PRPH2: variants seen among roughly 807,000 people sequenced by gnomAD.
The protein encoded by PRPH2 is peripherin-2.
A neutral mutation model predicts 31.3 loss-of-function variants in PRPH2; 17 were observed. That is an observed-to-expected ratio of 0.54 (90% CI 0.37 to 0.81). PRPH2 has a LOEUF of 0.81. PRPH2 is among the 40% of genes least tolerant of loss of function. The pLI, the probability that PRPH2 is intolerant of heterozygous loss-of-function variation, is 0.00. For synonymous variants in PRPH2, 165 were observed against 184.4 expected (o/e 0.89, Z 0.85); for missense variants, 430 against 439.7 (o/e 0.98, Z 0.20).
At chr6:42,700,864 T>A (rs538703472) in intron 2 of PRPH2, among the ~76,000 whole-genome samples, 13 of 152,328 alleles carry the variant, frequency 8.5e-5, no homozygotes, top group African/African-American at 2.9e-4. Flanking sequence ...AAAAGGGGCA[T>A]TTGAATGCCC....
At chr6:42,709,186 C>A (rs562027953) in intron 1 of PRPH2, among the ~76,000 whole-genome samples, 1 of 151,860 alleles carries the variant, frequency 6.6e-6, no homozygotes, top group South Asian at 2.1e-4. Context: ...AAAAATTAGC[C>A]GGGCGTGGTG....
intron 2 of PRPH2, among the ~76,000 whole-genome samples, chr6:42,700,629 T>C (rs1428727575): frequency 6.6e-6 from 1 of 152,230 alleles, no homozygotes; most frequent in African/African-American, 2.4e-5. Flanking sequence ...CATGAAGTCC[T>C]CTTGATGTGA....
At chr6:42,706,215 C>T (rs1016696757) in intron 1 of PRPH2, among the ~76,000 whole-genome samples, 22 of 151,778 alleles carry the variant, frequency 1.4e-4, no homozygotes, top group African/African-American at 2.9e-4. Flanking sequence ...ACCATCCTGG[C>T]TAACACGGTG....
intron 1 of PRPH2, among the ~76,000 whole-genome samples, chr6:42,709,651 C>G (rs1800239274): frequency 6.6e-6 from 1 of 152,096 alleles, no homozygotes; most frequent in Admixed American, 6.6e-5. Flanking sequence ...TGGGGTCATG[C>G]CTGGAGGGTA....
intron 1 of PRPH2, among the ~76,000 whole-genome samples, chr6:42,712,197 A>G (rs745482434): frequency 3.9e-5 from 6 of 152,226 alleles, no homozygotes; most frequent in Middle Eastern, 3.2e-3. Flanking sequence ...TCTCTCACAC[A>G]TATGGTATGA....
intron 2 of PRPH2, among the ~76,000 whole-genome samples, chr6:42,700,029 G>A (rs1364810557): frequency 6.7e-6 from 1 of 149,118 alleles, no homozygotes; most frequent in East Asian, 2.0e-4. Flanking sequence ...CACGATCTTG[G>A]CTCACTGCAA....
At chr6:42,708,305 C>T (rs1425871114) in intron 1 of PRPH2, among the ~76,000 whole-genome samples, 1 of 152,198 alleles carries the variant, frequency 6.6e-6, no homozygotes, top group African/African-American at 2.4e-5. Flanking sequence ...AGCACCTGCC[C>T]GCTGGCACTG....
intron 1 of PRPH2, among the ~76,000 whole-genome samples, chr6:42,714,427 G>A (rs1199666691): frequency 1.3e-5 from 2 of 152,178 alleles, no homozygotes; most frequent in African/African-American, 4.8e-5. Context: ...TGTAATGCTG[G>A]TTGTCCGACT....
chr6:42,705,353 TG>T (rs1800133682), intron 1 of PRPH2, among the ~76,000 whole-genome samples: 1 of 151,902 alleles, frequency 6.6e-6, no homozygotes, highest in Non-Finnish European at 1.5e-5. Flanking sequence ...TCAGGCAGGC[TG>T]GGTATGTTCT....
chr6:42,703,082 C>T (rs961537336), intron 2 of PRPH2, among the ~76,000 whole-genome samples: 6 of 150,980 alleles, frequency 4.0e-5, no homozygotes, highest in African/African-American at 1.5e-4. Context: ...ATAGTCCTAG[C>T]TACTCAGAAG....
Position 42,698,166 on chromosome 6 carries a change from A to G in PRPH2, c.*129T>C. 7.8e-7 allele frequency: 1 copy of G among 1,282,054 alleles called. No homozygotes were observed. Among genetic ancestry groups the G allele is most frequent in the Non-Finnish European group, 1.1e-6 (1 of 922,970 alleles). 79.4% of individuals were successfully genotyped at this position (1,282,054 alleles called of 1,614,324 possible). ...GACCCTAAACTTAAATTCCACCGTCAGGGAGAGTCTCTGTAAGATGGTGCC... is the reference window on the plus strand; with the variant it reads ...GACCCTAAACTTAAATTCCACCGTCGGGGAGAGTCTCTGTAAGATGGTGCC... On this transcript the variant is annotated 3_prime_UTR_variant, in exon 3 of 3. Transcript: ENST00000230381.
At chr6:42,719,317 C>T (rs1004045110) in intron 1 of PRPH2, among the ~76,000 whole-genome samples, 2 of 151,952 alleles carry the variant, frequency 1.3e-5, no homozygotes, top group African/African-American at 2.4e-5. Flanking sequence ...GCTGAGATTA[C>T]AGGCATGCCA....
At chr6:42,717,797 C>T (rs1443715593) in intron 1 of PRPH2, among the ~76,000 whole-genome samples, 1 of 152,170 alleles carries the variant, frequency 6.6e-6, no homozygotes, top group Non-Finnish European at 1.5e-5. Context: ...CCTCAGGCAA[C>T]CCAGCTCTGA....
At chr6:42,710,717 A>G (rs1403732988) in intron 1 of PRPH2, among the ~76,000 whole-genome samples, 2 of 152,168 alleles carry the variant, frequency 1.3e-5, no homozygotes, top group Non-Finnish European at 2.9e-5. Context: ...ACTCTCCCAT[A>G]AGCAAGGCAC....
At chr6:42,713,611 G>A (rs1219478384) in intron 1 of PRPH2, among the ~76,000 whole-genome samples, 1 of 152,006 alleles carries the variant, frequency 6.6e-6, no homozygotes, top group Non-Finnish European at 1.5e-5. Flanking sequence ...TTCTTGGAGA[G>A]GAAATGGAGA....
At chr6:42,720,275 A>C (rs143861784) in intron 1 of PRPH2, among the ~76,000 whole-genome samples, 619 of 152,296 alleles carry the variant, frequency 4.1e-3, no homozygotes, top group South Asian at 0.017. Flanking sequence ...TCTATGCAGG[A>C]GACAATCAAG....
intron 2 of PRPH2, among the ~76,000 whole-genome samples, chr6:42,699,438 T>C (rs1283242974): frequency 1.3e-5 from 2 of 152,196 alleles, no homozygotes; most frequent in African/African-American, 4.8e-5. Context: ...TAGCATTCAC[T>C]GTGTGGCAGA....
chr6:42,707,224 G>A (rs1800185719), intron 1 of PRPH2, among the ~76,000 whole-genome samples: 1 of 152,148 alleles, frequency 6.6e-6, no homozygotes, highest in Non-Finnish European at 1.5e-5. Context: ...TCTGTCTGTG[G>A]AGTGTCCTGG....
At chr6:42,715,636 A>C (rs1024299627) in intron 1 of PRPH2, among the ~76,000 whole-genome samples, 72 of 152,228 alleles carry the variant, frequency 4.7e-4, no homozygotes, top group Non-Finnish European at 9.3e-4. Context: ...GTGCCACTGC[A>C]CTTCAGCCTG....
Sources: gnomAD v4.1 joint callset for allele counts (sites outside exome capture counted in the v4.1 genomes callset) on GRCh38, gnomAD v4.1.1 for gene constraint, MANE v1.5 for transcripts, NCBI Gene and HGNC (gene_info 2026-07-23, HGNC 2026-07-21) for gene names.